IL1RAPL2: variants seen among roughly 807,000 people sequenced by gnomAD.
IL1RAPL2 encodes interleukin 1 receptor accessory protein like 2, also known as X-linked interleukin-1 receptor accessory protein-like 2.
Under a neutral mutation model 44.1 loss-of-function variants are expected in IL1RAPL2, and 3 were observed. That is an observed-to-expected ratio of 0.07 (90% confidence interval 0.03 to 0.18). The LOEUF is 0.18. Among genes scored for constraint, IL1RAPL2 ranks in the 10% least tolerant of loss-of-function variants. IL1RAPL2 has a pLI of 1.00. For missense variants in IL1RAPL2, 391 were observed against 496.4 expected (o/e 0.79, Z 2.02); for synonymous variants, 181 against 178.8 (o/e 1.01, Z -0.10).
At chrX:105,739,160 A>G (rs2147574311) in intron 7 of IL1RAPL2, among the ~76,000 whole-genome samples, 1 of 110,845 alleles carries the variant, frequency 9.0e-6, no homozygotes, top group Non-Finnish European at 1.9e-5. Context: ...CACAAAACCT[A>G]TACTCCTACA....
At chrX:105,444,060 T>C (rs2035938654) in intron 5 of IL1RAPL2, among the ~76,000 whole-genome samples, 1 of 111,968 alleles carries the variant, frequency 8.9e-6, no homozygotes, top group African/African-American at 3.2e-5. Flanking sequence ...GTATATCTTA[T>C]TGTAGTTTTG....
At chrX:104,930,330 G>A (rs933233204) in intron 2 of IL1RAPL2, among the ~76,000 whole-genome samples, 2 of 112,132 alleles carry the variant, frequency 1.8e-5, no homozygotes, top group African/African-American at 6.5e-5. Context: ...GATGTGCAGG[G>A]AACCTCTGGA....
At chrX:104,904,134 A>G (rs1006355641) in intron 2 of IL1RAPL2, among the ~76,000 whole-genome samples, 1 of 109,968 alleles carries the variant, frequency 9.1e-6, no homozygotes, top group South Asian at 4.0e-4. Context: ...ATATTGTAGT[A>G]TCACCAACTA....
At chrX:105,607,342 T>C (rs1014429783) in intron 6 of IL1RAPL2, among the ~76,000 whole-genome samples, 1 of 109,594 alleles carries the variant, frequency 9.1e-6, no homozygotes, top group South Asian at 3.8e-4. Flanking sequence ...TGGTACGTGG[T>C]ATGGATTGTT....
intron 5 of IL1RAPL2, among the ~76,000 whole-genome samples, chrX:105,281,296 A>G (rs1603046262): frequency 9.0e-6 from 1 of 111,498 alleles, no homozygotes; most frequent in East Asian, 2.8e-4. Context: ...TAGGGGAGGG[A>G]TAGCATTAGG....
chrX:105,156,947 G>A (rs1297458062), intron 2 of IL1RAPL2, among the ~76,000 whole-genome samples: 3 of 110,069 alleles, frequency 2.7e-5, no homozygotes, highest in African/African-American at 9.9e-5. Flanking sequence ...CTATATTAGA[G>A]CCCTGAATTC....
chrX:104,612,997 G>A (rs1050409463), intron 1 of IL1RAPL2, among the ~76,000 whole-genome samples: 1 of 111,433 alleles, frequency 9.0e-6, no homozygotes, highest in African/African-American at 3.3e-5. Context: ...GTATAGAAAT[G>A]CTACTTATTT....
At chrX:105,427,388 A>T (rs1022829012) in intron 5 of IL1RAPL2, among the ~76,000 whole-genome samples, 4 of 112,039 alleles carry the variant, frequency 3.6e-5, no homozygotes, top group African/African-American at 1.3e-4. Context: ...AGGGGTTTAT[A>T]TAACTAGGCC....
chrX:105,544,495 A>C (rs189706962), intron 6 of IL1RAPL2, among the ~76,000 whole-genome samples: 1 of 110,679 alleles, frequency 9.0e-6, no homozygotes, highest in African/African-American at 3.3e-5. Context: ...AAAGCAGACA[A>C]CTTTGCACTG....
At chrX:105,427,309 G>T (rs2147748872) in intron 5 of IL1RAPL2, among the ~76,000 whole-genome samples, 1 of 111,833 alleles carries the variant, frequency 8.9e-6, no homozygotes, top group Non-Finnish European at 1.9e-5. Flanking sequence ...ACCTGTTCTG[G>T]AACTCTCTAA....
intron 2 of IL1RAPL2, among the ~76,000 whole-genome samples, chrX:104,687,155 C>A (rs1475921415): frequency 8.9e-6 from 1 of 112,018 alleles, no homozygotes; most frequent in Non-Finnish European, 1.9e-5. Context: ...CATTTTTTCT[C>A]CTGTCTTAGT....
intron 3 of IL1RAPL2, among the ~76,000 whole-genome samples, chrX:105,221,370 G>T (rs782041765): frequency 9.6e-6 from 1 of 103,993 alleles, no homozygotes; most frequent in Admixed American, 1.1e-4. Flanking sequence ...AAAGAAAAAC[G>T]TTAGACAACG....
chrX:104,617,766 C>T (rs1299261882), intron 1 of IL1RAPL2, among the ~76,000 whole-genome samples: 3 of 111,742 alleles, frequency 2.7e-5, no homozygotes, highest in East Asian at 2.8e-4. Flanking sequence ...GAAGTGTCTT[C>T]GTGTTGATTT....
chrX:104,786,002 G>T (rs1330151699), intron 2 of IL1RAPL2, among the ~76,000 whole-genome samples: 1 of 112,301 alleles, frequency 8.9e-6, no homozygotes, highest in Non-Finnish European at 1.9e-5. Context: ...TTTGACATCT[G>T]CTCTTCAGAA....
intron 2 of IL1RAPL2, among the ~76,000 whole-genome samples, chrX:104,908,837 C>T (rs1254785163): frequency 3.6e-5 from 4 of 110,448 alleles, no homozygotes; most frequent in African/African-American, 1.3e-4. Context: ...TTTCCTGAAT[C>T]TGAATGTTGG....
At chrX:105,265,048 A>G (rs2147654768) in intron 4 of IL1RAPL2, among the ~76,000 whole-genome samples, 1 of 112,181 alleles carries the variant, frequency 8.9e-6, no homozygotes, top group Admixed American at 9.5e-5. Context: ...ATTCCTATAC[A>G]CTCTTTAGTT....
At chrX:104,910,019 G>C (rs946679339) in intron 2 of IL1RAPL2, among the ~76,000 whole-genome samples, 2 of 112,612 alleles carry the variant, frequency 1.8e-5, no homozygotes, top group African/African-American at 6.5e-5. Flanking sequence ...CGTGGTTGTA[G>C]GACCCTCCGA....
chrX:105,478,442 G>A (rs1374565111), intron 5 of IL1RAPL2, among the ~76,000 whole-genome samples: 1 of 110,934 alleles, frequency 9.0e-6, no homozygotes, highest in Non-Finnish European at 1.9e-5. Flanking sequence ...TCCTAGGCCT[G>A]GAGCTCAAAA....
intron 2 of IL1RAPL2, among the ~76,000 whole-genome samples, chrX:104,933,532 A>T (rs1252990619): frequency 8.9e-6 from 1 of 111,863 alleles, no homozygotes. Flanking sequence ...TGGGATTTCT[A>T]ATATGAAGTA....
Sources: allele counts gnomAD v4.1 joint callset (sites outside exome capture counted in the v4.1 genomes callset), GRCh38; gene constraint gnomAD v4.1.1; transcripts MANE v1.5; gene names NCBI Gene and HGNC (gene_info 2026-07-23, HGNC 2026-07-21).